Variants in MYH10 observed in about 807,000 individuals in gnomAD.
MYH10 encodes the protein myosin heavy chain 10, also known as myosin-10.
A neutral mutation model predicts 257.8 loss-of-function variants in MYH10; 55 were observed. The ratio of observed to expected loss-of-function variants is 0.21; its 90% CI spans 0.17 to 0.27. The LOEUF is 0.27. Among genes scored for constraint, MYH10 ranks in the 10% least tolerant of loss-of-function variants. MYH10 has a pLI of 1.00. For synonymous variants in MYH10, 854 were observed against 921.7 expected (o/e 0.93, Z 1.33); for missense variants, 1,631 against 2,500.6 (o/e 0.65, Z 7.42).
Position 8,506,893 on chromosome 17 carries a change from C to G in MYH10, c.3215-404G>C, listed in dbSNP as rs2081091252. 1.3e-5 allele frequency among the ~76,000 whole-genome samples: 2 copies of G among 152,236 alleles called. No homozygotes were observed. Among genetic ancestry groups the G allele is most frequent in the African/African-American group, 2.4e-5 (1 of 41,470 alleles). ...CCCATTCCCTTTTCCATGGGAACCCCTGTTCTGAACCAAGAAAACTGCCAT... is the reference window on the plus strand; with the variant it reads ...CCCATTCCCTTTTCCATGGGAACCCGTGTTCTGAACCAAGAAAACTGCCAT... On this transcript the variant is annotated intron_variant, in intron 26 of 42. Coordinates refer to ENST00000360416, the MANE Select transcript of MYH10 (RefSeq NM_001256012.3). This position sits in a 1 kb window ranked among gnomAD's most constrained non-coding sequence, Gnocchi z 5.0.
chr17:8,629,459 A>C (rs1028011921), intron 1 of MYH10, among the ~76,000 whole-genome samples: 1 of 150,928 alleles, frequency 6.6e-6, no homozygotes, highest in Non-Finnish European at 1.5e-5. Context: ...AAACCTCACC[A>C]GCCCGGTCTG....
Position 8,504,538 on chromosome 17 carries a change from C to A in MYH10, c.3599+156G>T, listed in dbSNP as rs1262631581. Among the ~76,000 whole-genome samples, 1 of 152,188 alleles carries A rather than the reference C, an allele frequency of 6.6e-6. No individual in the cohort carries two copies. Among genetic ancestry groups the A allele is most frequent in the Non-Finnish European group, 1.5e-5 (1 of 68,034 alleles). On this transcript the variant is annotated intron_variant, in intron 28 of 42. Transcript: ENST00000360416. The surrounding 1 kb of genome is among the most constrained non-coding windows in gnomAD (Gnocchi z 5.6). ...CAGGTATTTCTACCCATAGGCTGGTCTGTTTCTAACCATTACCATTTAATC... is the reference window on the plus strand; with the variant it reads ...CAGGTATTTCTACCCATAGGCTGGTATGTTTCTAACCATTACCATTTAATC...
chr17:8,550,104 C>T (rs1403605583), intron 9 of MYH10, among the ~76,000 whole-genome samples: 6 of 148,782 alleles, frequency 4.0e-5, no homozygotes, highest in Admixed American at 1.3e-4. Context: ...TCTGCCCGGC[C>T]GCCACCCCGT....
intron 30 of MYH10, among the ~76,000 whole-genome samples, chr17:8,497,497 T>C (rs1382233579): frequency 6.6e-6 from 1 of 152,040 alleles, no homozygotes; most frequent in Non-Finnish European, 1.5e-5. Context: ...CCCAGCACTT[T>C]GGGAGGCTGA....
At chr17:8,509,685 T>C (rs2151868795) in intron 25 of MYH10, 127 bp downstream of exon 25, 1 of 877,468 alleles carries the variant, frequency 1.1e-6, no homozygotes, top group East Asian at 3.1e-5. Flanking sequence ...ACAGAGAAAA[T>C]TCAGTAAATG....
chr17:8,489,747 C>CA (rs1567784631), intron 35 of MYH10, among the ~76,000 whole-genome samples: 13 of 79,658 alleles, frequency 1.6e-4, no homozygotes, highest in African/African-American at 7.1e-4. Flanking sequence ...ACACACACAC[C>CA]CCAAATCCAA....
In MYH10 at chr17:8,533,800, C is replaced by T. The variant is rs376134314; in HGVS notation, c.1894+1587G>A. On this transcript the variant is annotated intron_variant, in intron 16 of 42. Coordinates refer to ENST00000360416, the MANE Select transcript of MYH10 (RefSeq NM_001256012.3). Reference sequence around the variant, plus strand: ...TCCACTTTGCATACTGATCTCATTCCTTCTGCTGTGTTCTAAGACCTTACA... The same window carrying T: ...TCCACTTTGCATACTGATCTCATTCTTTCTGCTGTGTTCTAAGACCTTACA... 9.2e-5 allele frequency among the ~76,000 whole-genome samples: 14 copies of T among 152,282 alleles called. No individual in the cohort carries two copies. The South Asian group carries it at 2.9e-3, about 32-fold the overall frequency.
chr17:8,508,727 T>G, intron 25 of MYH10, 50 bp from the exon 26 acceptor site: 3 of 1,607,908 alleles, frequency 1.9e-6, no homozygotes, highest in Non-Finnish European at 2.5e-6. Context: ...GAATGACCAC[T>G]TGGGTTCTGT....
intron 3 of MYH10, among the ~76,000 whole-genome samples, chr17:8,596,650 GA>G: frequency 6.8e-6 from 1 of 146,546 alleles, no homozygotes; most frequent in Non-Finnish European, 1.5e-5. Context: ...GAGTAGGAGG[GA>G]GGGGGAGTAG....
At position 8,545,721 on chromosome 17, in the gene MYH10, AATC is replaced by A; in HGVS notation, c.1279-124_1279-122del. 1.1e-6 allele frequency: 1 copy of A among 902,566 alleles called. No homozygotes were observed. Among genetic ancestry groups the A allele is most frequent in the Non-Finnish European group, 1.6e-6 (1 of 607,138 alleles). 55.9% of individuals were successfully genotyped at this position (902,566 alleles called of 1,614,324 possible). A position where few individuals can be genotyped will look rare whatever the true frequency, so the allele number is the denominator to read the frequency against. Reference sequence around the variant, plus strand: ...AAACCTGAGATGGCATTCACTGCTTAATCATGTCTCAATTTTACACATCAATAG... The same window carrying A: ...AAACCTGAGATGGCATTCACTGCTTAATGTCTCAATTTTACACATCAATAG... On this transcript the variant is annotated intron_variant, in intron 12 of 42. Coordinates refer to ENST00000360416, the MANE Select transcript of MYH10 (RefSeq NM_001256012.3). This position sits in a 1 kb window ranked among gnomAD's most constrained non-coding sequence, Gnocchi z 4.7.
intron 9 of MYH10, among the ~76,000 whole-genome samples, chr17:8,550,440 C>T (rs1295839041): frequency 7.3e-5 from 11 of 151,150 alleles, no homozygotes; most frequent in South Asian, 2.1e-4. Context: ...AGTGAGGAGC[C>T]CCTCCGCCCG....
intron 28 of MYH10, among the ~76,000 whole-genome samples, chr17:8,503,246 G>A (rs8066140): frequency 0.42 from 63,734 of 151,710 alleles, 13,338 homozygotes; most frequent in East Asian, 0.5. Context: ...TCGCACCATC[G>A]TGCTCCGGCC....
chr17:8,529,974 C>T (rs1166173005), intron 17 of MYH10, among the ~76,000 whole-genome samples: 3 of 152,116 alleles, frequency 2.0e-5, no homozygotes, highest in Admixed American at 2.0e-4. Flanking sequence ...ATTTAAGGTT[C>T]AATGTATAAT....
At chr17:8,516,257 C>A (rs1443090791) in intron 21 of MYH10, among the ~76,000 whole-genome samples, 2 of 152,180 alleles carry the variant, frequency 1.3e-5, no homozygotes, top group Non-Finnish European at 2.9e-5. Context: ...CCTTTTTATC[C>A]TTATCCCAAT....
intron 25 of MYH10, 108 bp from the exon 26 acceptor site, chr17:8,508,785 G>T: frequency 7.6e-7 from 1 of 1,315,028 alleles, no homozygotes; most frequent in Non-Finnish European, 1.1e-6. Context: ...AAGTTCTATC[G>T]GCACTGCCTC....
intron 1 of MYH10, among the ~76,000 whole-genome samples, chr17:8,625,085 C>T (rs1019144886): frequency 2.0e-5 from 3 of 151,514 alleles, no homozygotes; most frequent in East Asian, 1.9e-4. Context: ...CCCATCTCCA[C>T]CAAAAATAAC....
chr17:8,485,750 A>G (rs1298132423), intron 36 of MYH10, among the ~76,000 whole-genome samples: 4 of 152,220 alleles, frequency 2.6e-5, no homozygotes, highest in Non-Finnish European at 5.9e-5. Context: ...AACTGCAGTG[A>G]CTGTGGGAAA....
Position 8,552,830 on chromosome 17 carries a change from C to G in MYH10, c.821-686G>C, listed in dbSNP as rs910683717. 1.3e-5 allele frequency among the ~76,000 whole-genome samples: 2 copies of G among 152,200 alleles called. No homozygotes were observed. Among genetic ancestry groups the G allele is most frequent in the South Asian group, 4.1e-4 (2 of 4,824 alleles). ...GGCCAGTACCTACGCCTGCTGCTACCCACCCTGCCTGGGCTTCCCAGGGGG... is the reference window on the plus strand; with the variant it reads ...GGCCAGTACCTACGCCTGCTGCTACGCACCCTGCCTGGGCTTCCCAGGGGG... On this transcript the variant is annotated intron_variant, in intron 8 of 42. Transcript: ENST00000360416. The surrounding 1 kb of genome is among the most constrained non-coding windows in gnomAD (Gnocchi z 4.8).
At position 8,502,480 on chromosome 17, in the gene MYH10, T is replaced by TTGTGTGTGTGTGTGTGTG. The variant is rs55865122; in HGVS notation, c.3600-1528_3600-1511dup. ...AGCACGTTGTCTTTTGGGAAAATAGTTGTGTGTGTGTGTGTGTGTGTGTGT... is the reference window on the plus strand; with the variant it reads ...AGCACGTTGTCTTTTGGGAAAATAGTTGTGTGTGTGTGTGTGTGTGTGTGTGTGTGTGTGTGTGTGTGT... On this transcript the variant is annotated intron_variant, in intron 28 of 42. Transcript: ENST00000360416. Among the ~76,000 whole-genome samples the TTGTGTGTGTGTGTGTGTG allele has an allele frequency of 1.5e-3, 232 of 150,252 alleles. 1 individual carries two copies. Among genetic ancestry groups the TTGTGTGTGTGTGTGTGTG allele is most frequent in the Non-Finnish European group, 2.4e-3 (160 of 67,450 alleles).
Sources: allele counts gnomAD v4.1 joint callset (sites outside exome capture counted in the v4.1 genomes callset), GRCh38; gene constraint gnomAD v4.1.1; non-coding constraint Gnocchi (gnomAD v3.1); transcripts MANE v1.5; gene names NCBI Gene and HGNC (gene_info 2026-07-23, HGNC 2026-07-21).